The following CTNNA3 variants were observed in gnomAD, a reference collection of about 807,000 sequenced individuals.
The protein encoded by CTNNA3 is catenin alpha 3, also known as catenin alpha-3.
In CTNNA3, 76 loss-of-function variants were observed where a neutral mutation model predicts 95.7. The ratio of observed to expected loss-of-function variants is 0.79; its 90% CI spans 0.66 to 0.96. The LOEUF (loss-of-function observed/expected upper bound fraction) is 0.96. CTNNA3 is among the 40% of genes least tolerant of loss of function. The pLI is 0.00. For missense variants in CTNNA3, 1,191 were observed against 1,089.8 expected (o/e 1.09, Z -1.31); for synonymous variants, 431 against 374.4 (o/e 1.15, Z -1.74).
At chr10:67,280,596 C>T (rs989982203) in intron 5 of CTNNA3, among the ~76,000 whole-genome samples, 14 of 151,840 alleles carry the variant, frequency 9.2e-5, no homozygotes, top group Admixed American at 4.6e-4. Flanking sequence ...AAGCTGAAGA[C>T]GCCCGACTCC....
At chr10:67,281,120 G>C (rs1262741857) in intron 5 of CTNNA3, among the ~76,000 whole-genome samples, 1 of 150,876 alleles carries the variant, frequency 6.6e-6, no homozygotes, top group Non-Finnish European at 1.5e-5. Context: ...TTTAGGTCAT[G>C]ATCTTTACAC....
At chr10:66,212,834 T>A (rs2088258267) in intron 13 of CTNNA3, among the ~76,000 whole-genome samples, 1 of 152,156 alleles carries the variant, frequency 6.6e-6, no homozygotes. Context: ...CGAAACCCCA[T>A]CTCTACTAAA....
chr10:67,321,502 G>C (rs555501970), intron 5 of CTNNA3, among the ~76,000 whole-genome samples: 2 of 152,184 alleles, frequency 1.3e-5, no homozygotes, highest in South Asian at 4.1e-4. Context: ...GGTCTCAACA[G>C]GCAGATCAGC....
At chr10:67,637,946 C>A (rs962443689) in intron 2 of CTNNA3, among the ~76,000 whole-genome samples, 2 of 152,212 alleles carry the variant, frequency 1.3e-5, no homozygotes, top group African/African-American at 4.8e-5. Flanking sequence ...TAGGAAGTAA[C>A]TGCATCAACT....
At chr10:67,524,453 C>CACT (rs1840082663) in intron 4 of CTNNA3, among the ~76,000 whole-genome samples, 1 of 138,088 alleles carries the variant, frequency 7.2e-6, no homozygotes, top group Non-Finnish European at 1.6e-5. Flanking sequence ...AGAAAACCAA[C>CACT]ACTTCAGGTA....
chr10:67,143,072 G>A (rs1449032590), intron 7 of CTNNA3, among the ~76,000 whole-genome samples: 2 of 152,074 alleles, frequency 1.3e-5, no homozygotes, highest in Non-Finnish European at 2.9e-5. Context: ...AAGGTTAGGG[G>A]TGGCTGTGGC....
intron 10 of CTNNA3, among the ~76,000 whole-genome samples, chr10:66,597,356 A>G (rs978032903): frequency 6.6e-6 from 1 of 151,318 alleles, no homozygotes; most frequent in African/African-American, 2.4e-5. Flanking sequence ...GACACATTAT[A>G]ATCATATTAT....
At chr10:66,910,011 T>G (rs2132554827) in intron 7 of CTNNA3, among the ~76,000 whole-genome samples, 1 of 152,318 alleles carries the variant, frequency 6.6e-6, no homozygotes, top group South Asian at 2.1e-4. Flanking sequence ...TATGCATTTA[T>G]ATGGCATATA....
intron 5 of CTNNA3, among the ~76,000 whole-genome samples, chr10:67,327,613 G>A (rs1423449427): frequency 6.6e-6 from 1 of 152,168 alleles, no homozygotes; most frequent in African/African-American, 2.4e-5. Flanking sequence ...GGAGGTGGGG[G>A]AGAATGAGGT....
chr10:67,651,467 T>C (rs528642409), intron 1 of CTNNA3, among the ~76,000 whole-genome samples: 1 of 152,336 alleles, frequency 6.6e-6, no homozygotes, highest in South Asian at 2.1e-4. Context: ...CCCCCTCCCA[T>C]TTCCCTGTTT....
chr10:66,011,548 G>A (rs745948129), intron 15 of CTNNA3, among the ~76,000 whole-genome samples: 1 of 152,078 alleles, frequency 6.6e-6, no homozygotes, highest in Non-Finnish European at 1.5e-5. Flanking sequence ...TACATAGCAA[G>A]TCTGGAGTAT....
chr10:67,256,218 T>G (rs1668722653), intron 5 of CTNNA3, among the ~76,000 whole-genome samples: 1 of 152,194 alleles, frequency 6.6e-6, no homozygotes, highest in African/African-American at 2.4e-5. Context: ...GCTCTTTCTT[T>G]AATTTGGCAT....
chr10:66,738,326 C>T (rs182831868), intron 9 of CTNNA3, among the ~76,000 whole-genome samples: 6 of 152,092 alleles, frequency 3.9e-5, no homozygotes, highest in African/African-American at 7.2e-5. Context: ...TCATAGTTAG[C>T]TGATTCTGTT....
chr10:66,123,106 G>A (rs1386157923), intron 13 of CTNNA3, among the ~76,000 whole-genome samples: 1 of 152,108 alleles, frequency 6.6e-6, no homozygotes, highest in East Asian at 1.9e-4. Flanking sequence ...AAAGTCCACA[G>A]TCCAACATCT....
intron 15 of CTNNA3, among the ~76,000 whole-genome samples, chr10:66,056,971 T>C (rs1459225378): frequency 6.6e-6 from 1 of 152,150 alleles, no homozygotes; most frequent in African/African-American, 2.4e-5. Flanking sequence ...TTACCTATAT[T>C]TGCCAAAGCT....
chr10:66,301,580 C>T (rs546662605), intron 12 of CTNNA3, among the ~76,000 whole-genome samples: 1 of 151,764 alleles, frequency 6.6e-6, no homozygotes, highest in Non-Finnish European at 1.5e-5. Context: ...CTTCAAAAAT[C>T]AATTACTATA....
intron 5 of CTNNA3, among the ~76,000 whole-genome samples, chr10:67,431,913 T>C (rs536584074): frequency 2.0e-5 from 3 of 152,108 alleles, no homozygotes; most frequent in Admixed American, 6.6e-5. Context: ...CCTCCAGTGT[T>C]CGTATTCCAG....
chr10:67,373,549 A>C (rs1285170094), intron 5 of CTNNA3, among the ~76,000 whole-genome samples: 1 of 152,194 alleles, frequency 6.6e-6, no homozygotes, highest in Non-Finnish European at 1.5e-5. Context: ...CCCAACTGTC[A>C]ACATTAGACA....
At chr10:67,625,954 G>A (rs1044536288) in intron 2 of CTNNA3, among the ~76,000 whole-genome samples, 20 of 152,162 alleles carry the variant, frequency 1.3e-4, no homozygotes, top group African/African-American at 4.6e-4. Context: ...AGAGGCTGAG[G>A]CAGGAGGATC....
Sources: allele counts gnomAD v4.1 joint callset (sites outside exome capture counted in the v4.1 genomes callset), GRCh38; gene constraint gnomAD v4.1.1; transcripts MANE v1.5; gene names NCBI Gene and HGNC (gene_info 2026-07-23, HGNC 2026-07-21).